SPTLC2: variants seen among roughly 807,000 people sequenced by gnomAD.
SPTLC2 encodes serine palmitoyltransferase 2.
In SPTLC2, 21 loss-of-function variants were observed where a neutral mutation model predicts 62.0. The ratio of observed to expected loss-of-function variants is 0.34; its 90% confidence interval spans 0.24 to 0.49. The LOEUF (loss-of-function observed/expected upper bound fraction) is 0.49, where lower values mean the gene tolerates loss of function less well. Among genes scored for constraint, SPTLC2 ranks in the 20% least tolerant of loss-of-function variants. The pLI, the probability that SPTLC2 is intolerant of heterozygous loss-of-function variation, is 0.99. For synonymous variants in SPTLC2, 261 were observed against 261.8 expected (o/e 1.00, Z 0.03); for missense variants, 511 against 713.0 (o/e 0.72, Z 3.23).
intron 6 of SPTLC2, among the ~76,000 whole-genome samples, chr14:77,559,004 A>C (rs1243673478): frequency 1.3e-5 from 2 of 152,194 alleles, no homozygotes; most frequent in African/African-American, 4.8e-5. Context: ...GGAGAAAAAT[A>C]ATACTGGTCA....
At chr14:77,569,317 T>C (rs2079664462) in intron 5 of SPTLC2, among the ~76,000 whole-genome samples, 1 of 152,206 alleles carries the variant, frequency 6.6e-6, no homozygotes, top group Non-Finnish European at 1.5e-5. Flanking sequence ...ATCTTTGTCT[T>C]CTCATTGGAA....
intron 1 of SPTLC2, among the ~76,000 whole-genome samples, chr14:77,615,737 G>GC (rs1315705824): frequency 6.6e-6 from 1 of 152,192 alleles, no homozygotes; most frequent in Non-Finnish European, 1.5e-5. Flanking sequence ...TAGAGTCATC[G>GC]CAAGTCACCA....
Position 77,519,526 on chromosome 14 carries a change from G to A in SPTLC2, c.1440-1359C>T, listed in dbSNP as rs2079375940. ...GAGGTCAGGAGTTGGAGACCAGCCT[G>A]GCCAACATGGTTAGACCCCATCTCC... On this transcript the variant is annotated intron_variant, in intron 10 of 11. Coordinates refer to ENST00000216484, the MANE Select transcript of SPTLC2 (RefSeq NM_004863.4). 2.0e-5 allele frequency among the ~76,000 whole-genome samples: 3 copies of A among 151,958 alleles called. No individual in the cohort carries two copies. In the South Asian group the frequency reaches 6.3e-4, roughly 32 times the overall value.
chr14:77,540,277 G>C (rs2079494134), intron 9 of SPTLC2, among the ~76,000 whole-genome samples: 1 of 150,292 alleles, frequency 6.7e-6, no homozygotes, highest in South Asian at 2.1e-4. Flanking sequence ...CAGCAATAAA[G>C]GAATAATATG....
chr14:77,586,951 C>T (rs1198012485), intron 2 of SPTLC2, among the ~76,000 whole-genome samples: 1 of 152,122 alleles, frequency 6.6e-6, no homozygotes, highest in East Asian at 1.9e-4. Context: ...CTTGGCCGGG[C>T]GCAGTGGCTC....
chr14:77,527,143 C>T (rs536098866), intron 9 of SPTLC2, among the ~76,000 whole-genome samples: 1 of 150,906 alleles, frequency 6.6e-6, no homozygotes, highest in African/African-American at 2.4e-5. Context: ...GTTGCCCAGG[C>T]TGCAGTGCAG....
Position 77,597,356 on chromosome 14 carries a change from C to T in SPTLC2, c.157G>A (p.Gly53Arg), listed in dbSNP as rs1191730643. ...TCATTAAACGGTCTTTTATATAGTC[C>T]TCCATTTTGTGTAACATGATGGATC... ...GQIHHVTQNG[G>R]LYKRPFNEAF... The change falls in exon 2 of 12, where the codon GGA becomes AGA. Residue 53 changes from glycine (G) to arginine (R), a missense_variant. Transcript: ENST00000216484. 3.1e-6 allele frequency: 5 copies of T among 1,614,102 alleles called. No individual in the cohort carries two copies. The South Asian group carries it at 5.5e-5, about 18-fold the overall frequency.
At chr14:77,584,464 T>C (rs1396323897) in intron 2 of SPTLC2, among the ~76,000 whole-genome samples, 1 of 152,216 alleles carries the variant, frequency 6.6e-6, no homozygotes, top group Non-Finnish European at 1.5e-5. Context: ...CATATTTATA[T>C]ACTTATATAT....
chr14:77,572,656 T>C (rs952530037), intron 4 of SPTLC2, among the ~76,000 whole-genome samples: 13 of 152,356 alleles, frequency 8.5e-5, no homozygotes, highest in South Asian at 6.2e-4. Context: ...TTCATCTACA[T>C]TGAAAATCTG....
chr14:77,524,970 G>A (rs960975352), intron 9 of SPTLC2, among the ~76,000 whole-genome samples: 3 of 152,188 alleles, frequency 2.0e-5, no homozygotes, highest in East Asian at 1.9e-4. Flanking sequence ...ATAGTTTACC[G>A]TGTATTTCAA....
intron 2 of SPTLC2, among the ~76,000 whole-genome samples, chr14:77,588,217 T>C (rs1250645006): frequency 6.6e-6 from 1 of 152,128 alleles, no homozygotes; most frequent in East Asian, 1.9e-4. Flanking sequence ...GGATTATTGG[T>C]ATGAGCCACC....
At chr14:77,551,412 A>AAAAAAC in intron 9 of SPTLC2, among the ~76,000 whole-genome samples, 1 of 151,578 alleles carries the variant, frequency 6.6e-6, no homozygotes, top group Non-Finnish European at 1.5e-5. Context: ...AAAAAAAAAA[A>AAAAAAC]AGCGACAAGT....
intron 9 of SPTLC2, among the ~76,000 whole-genome samples, chr14:77,522,171 CT>C (rs974107902): frequency 6.9e-4 from 103 of 148,936 alleles, no homozygotes; most frequent in African/African-American, 2.3e-3. Context: ...CTTTTTCTTT[CT>C]TTTTTTTTTG....
At chr14:77,525,836 C>A (rs1177974240) in intron 9 of SPTLC2, among the ~76,000 whole-genome samples, 1 of 152,154 alleles carries the variant, frequency 6.6e-6, no homozygotes, top group Non-Finnish European at 1.5e-5. Flanking sequence ...ATGGCATGAA[C>A]CCAGGAGGCG....
chr14:77,594,060 G>A (rs908706426), intron 2 of SPTLC2, among the ~76,000 whole-genome samples: 1 of 152,180 alleles, frequency 6.6e-6, no homozygotes, highest in Non-Finnish European at 1.5e-5. Flanking sequence ...ATAAACTGCA[G>A]AGGCAAATGC....
At chr14:77,518,268 G>T (rs2079368592) in intron 10 of SPTLC2, 101 bp from the exon 11 acceptor site, 9 of 1,542,946 alleles carry the variant, frequency 5.8e-6, no homozygotes, top group African/African-American at 1.4e-5. Context: ...GGTGATGCAG[G>T]CATTGGAGAC....
intron 3 of SPTLC2, among the ~76,000 whole-genome samples, chr14:77,578,305 T>C (rs1331449056): frequency 1.3e-5 from 2 of 151,264 alleles, no homozygotes; most frequent in African/African-American, 4.8e-5. Context: ...TTGATTCTGA[T>C]AAGTGGCATA....
chr14:77,602,235 C>T (rs957581021), intron 1 of SPTLC2, among the ~76,000 whole-genome samples: 3 of 152,188 alleles, frequency 2.0e-5, no homozygotes, highest in Admixed American at 6.5e-5. Flanking sequence ...ACTCCACATT[C>T]GCATTTCCAC....
At chr14:77,581,769 A>G (rs2079752469) in intron 2 of SPTLC2, among the ~76,000 whole-genome samples, 1 of 152,196 alleles carries the variant, frequency 6.6e-6, no homozygotes, top group South Asian at 2.1e-4. Context: ...GAAAATATTC[A>G]TAAATAACAT....
Sources: gnomAD v4.1 joint callset for allele counts (sites outside exome capture counted in the v4.1 genomes callset) on GRCh38, gnomAD v4.1.1 for gene constraint, MANE v1.5 for transcripts, NCBI Gene and HGNC (gene_info 2026-07-23, HGNC 2026-07-21) for gene names.